Variants in SYT1 observed in about 807,000 individuals in gnomAD.
The protein encoded by SYT1 is synaptotagmin-1.
In SYT1, 8 loss-of-function variants were observed where a neutral mutation model predicts 44.8. The ratio of observed to expected loss-of-function variants is 0.18; its 90% CI spans 0.10 to 0.32. The LOEUF is 0.32. Ranked by LOEUF, SYT1 falls within the 10% of genes least tolerant of loss-of-function variation. SYT1 has a pLI of 1.00. For synonymous variants in SYT1, 154 were observed against 188.8 expected, an observed-to-expected ratio of 0.82 and a Z score of 1.51; for missense variants, 286 against 509.3, an observed-to-expected ratio of 0.56 and a Z score of 4.22.
chr12:79,251,182 A>G (rs1008252187), intron 4 of SYT1, among the ~76,000 whole-genome samples: 47 of 152,174 alleles, frequency 3.1e-4, no homozygotes, highest in Admixed American at 2.7e-3. Context: ...GAGGAATGAA[A>G]TCTCCTGACT....
intron 3 of SYT1, among the ~76,000 whole-genome samples, chr12:79,165,354 A>T (rs1447267738): frequency 6.6e-6 from 1 of 151,970 alleles, no homozygotes; most frequent in East Asian, 1.9e-4. Flanking sequence ...AGTATTCTTC[A>T]CAAATAAAAG....
intron 9 of SYT1, among the ~76,000 whole-genome samples, chr12:79,402,284 T>G (rs2136116455): frequency 6.6e-6 from 1 of 152,294 alleles, no homozygotes; most frequent in South Asian, 2.1e-4. Context: ...GAAGCTGCCA[T>G]GTCCCACGTG....
At chr12:79,190,992 G>A (rs377251880) in intron 3 of SYT1, among the ~76,000 whole-genome samples, 4 of 151,910 alleles carry the variant, frequency 2.6e-5, no homozygotes, top group African/African-American at 9.7e-5. Context: ...ACTTACCAAT[G>A]AGATAATTAA....
At chr12:79,316,570 A>G (rs762361679) in intron 8 of SYT1, among the ~76,000 whole-genome samples, 13 of 152,140 alleles carry the variant, frequency 8.5e-5, no homozygotes, top group Non-Finnish European at 1.2e-4. Context: ...TCTATACAGG[A>G]ATGTGTTGTG....
intron 10 of SYT1, among the ~76,000 whole-genome samples, chr12:79,445,371 T>C (rs970052372): frequency 9.9e-5 from 15 of 152,200 alleles, no homozygotes; most frequent in Admixed American, 8.5e-4. Context: ...TTGTTAACTA[T>C]AGCCATCCTG....
At chr12:79,257,549 G>A (rs1035540131) in intron 4 of SYT1, among the ~76,000 whole-genome samples, 1 of 152,066 alleles carries the variant, frequency 6.6e-6, no homozygotes, top group Non-Finnish European at 1.5e-5. Context: ...CTGCAGTGGC[G>A]CAATCTCTGC....
intron 1 of SYT1, among the ~76,000 whole-genome samples, chr12:78,944,448 T>A (rs1161844585): frequency 6.6e-6 from 1 of 152,050 alleles, no homozygotes; most frequent in Admixed American, 6.6e-5. Context: ...TTAATTTTAT[T>A]TGTGTACCAT....
chr12:79,287,262 GA>G lies in SYT1; in HGVS notation c.351+1292del, dbSNP rs1253055287. ...CTCAGAGAGTTTTGGCCTGAGCTCG[GA>G]GTAGCAAGGGTTTGATTTTTCTGGC... is the stretch of plus-strand genomic sequence containing the variant. On this transcript the variant is annotated intron_variant, in intron 5 of 10. Transcript: ENST00000261205. Among the ~76,000 whole-genome samples, 25 of 152,132 alleles carry G rather than the reference GA, an allele frequency of 1.6e-4. 1 individual carries two copies. The highest frequency in any genetic ancestry group is 2.9e-5 in the Non-Finnish European group (2 of 67,990).
intron 3 of SYT1, among the ~76,000 whole-genome samples, chr12:79,075,889 A>G (rs982118886): frequency 6.6e-6 from 1 of 152,306 alleles, no homozygotes. Context: ...AGATGATTAT[A>G]AATCACAAAT....
chr12:79,159,554 T>C (rs1397336054), intron 3 of SYT1, among the ~76,000 whole-genome samples: 1 of 151,796 alleles, frequency 6.6e-6, no homozygotes, highest in South Asian at 2.1e-4. Flanking sequence ...ATTATGGTAA[T>C]TGTTGTTACT....
chr12:79,032,022 A>G (rs1872859253), intron 2 of SYT1, among the ~76,000 whole-genome samples: 3 of 151,160 alleles, frequency 2.0e-5, no homozygotes, highest in Non-Finnish European at 3.0e-5. Context: ...GTAGAAATCA[A>G]GTAACTTTTT....
At chr12:78,905,120 A>T (rs1345345907) in intron 1 of SYT1, among the ~76,000 whole-genome samples, 3 of 152,184 alleles carry the variant, frequency 2.0e-5, no homozygotes, top group African/African-American at 7.2e-5. Context: ...TTTTTGTTCC[A>T]GGACCATTCT....
At chr12:79,397,703 A>T (rs1884925957) in intron 9 of SYT1, among the ~76,000 whole-genome samples, 1 of 152,224 alleles carries the variant, frequency 6.6e-6, no homozygotes, top group Non-Finnish European at 1.5e-5. Flanking sequence ...AGTCTTACAA[A>T]TAATGGTTTT....
chr12:79,110,227 G>T (rs1326975686), intron 3 of SYT1, among the ~76,000 whole-genome samples: 1 of 152,066 alleles, frequency 6.6e-6, no homozygotes, highest in Non-Finnish European at 1.5e-5. Flanking sequence ...GGAATAGCTA[G>T]AGATGTAGGA....
chr12:79,389,700 A>G (rs567901165), intron 9 of SYT1, among the ~76,000 whole-genome samples: 3 of 152,314 alleles, frequency 2.0e-5, no homozygotes. Context: ...TCACCATAAA[A>G]TGCTGCCACC....
chr12:79,104,440 AT>A (rs1344546024), intron 3 of SYT1, among the ~76,000 whole-genome samples: 1 of 152,096 alleles, frequency 6.6e-6, no homozygotes, highest in East Asian at 1.9e-4. Flanking sequence ...TCCTAAGGCA[AT>A]TTAGAGAAAA....
chr12:78,925,100 A>G (rs1031146193), intron 1 of SYT1, among the ~76,000 whole-genome samples: 1 of 151,930 alleles, frequency 6.6e-6, no homozygotes, highest in African/African-American at 2.4e-5. Context: ...TTTTATGCCT[A>G]TCTATGTATC....
chr12:78,975,643 G>C (rs1016370279), intron 1 of SYT1, among the ~76,000 whole-genome samples: 2 of 152,132 alleles, frequency 1.3e-5, no homozygotes, highest in Non-Finnish European at 2.9e-5. Flanking sequence ...GAAGTCTGCT[G>C]TGCTTGCCTG....
intron 8 of SYT1, among the ~76,000 whole-genome samples, chr12:79,322,536 A>G (rs1881413592): frequency 6.6e-6 from 1 of 152,158 alleles, no homozygotes; most frequent in South Asian, 2.1e-4. Context: ...AGTGAATATT[A>G]TTAATATTGC....
Sources: gnomAD v4.1 joint callset for allele counts (sites outside exome capture counted in the v4.1 genomes callset) on GRCh38, gnomAD v4.1.1 for gene constraint, MANE v1.5 for transcripts, NCBI Gene and HGNC (gene_info 2026-07-23, HGNC 2026-07-21) for gene names.